The following TNR variants were observed in gnomAD, a reference collection of about 807,000 sequenced individuals.
The protein encoded by TNR is tenascin R, also known as tenascin-R.
TNR carries 45 observed loss-of-function variants against 150.4 expected under a neutral mutation model. The observed-to-expected ratio is 0.30, with a 90% CI of 0.24 to 0.38. TNR has a LOEUF of 0.38. TNR is among the 10% of genes least tolerant of loss of function. The pLI is 1.00. For synonymous variants in TNR, 687 were observed against 678.4 expected, an observed-to-expected ratio of 1.01 and a Z score of -0.20; for missense variants, 1,544 against 1,759.1, an observed-to-expected ratio of 0.88 and a Z score of 2.19.
At chr1:175,536,315 A>T in intron 1 of TNR, among the ~76,000 whole-genome samples, 1 of 152,202 alleles carries the variant, frequency 6.6e-6, no homozygotes, top group East Asian at 1.9e-4. Flanking sequence ...CAAGCCATTA[A>T]AAAGGGTCAG....
intron 1 of TNR, among the ~76,000 whole-genome samples, chr1:175,559,490 T>C (rs1246722910): frequency 6.6e-6 from 1 of 152,148 alleles, no homozygotes; most frequent in African/African-American, 2.4e-5. Flanking sequence ...TAGCCCTCCC[T>C]TTCCACTGAG....
Position 175,679,447 on chromosome 1 carries a change from TAGA to T in TNR, c.-165+63776_-165+63778del, listed in dbSNP as rs1331671395. On this transcript the variant is annotated intron_variant, in intron 1 of 22. Transcript: ENST00000367674. ...AGAGGAGGGAGAGAGACAACATTAATAGAAGACATGATCCCTGTGTTCAAAATA... is the reference window on the plus strand; with the variant it reads ...AGAGGAGGGAGAGAGACAACATTAATAGACATGATCCCTGTGTTCAAAATA... 2.0e-5 allele frequency among the ~76,000 whole-genome samples: 3 copies of T among 152,236 alleles called. No individual in the cohort carries two copies. In the East Asian group the frequency reaches 5.8e-4, roughly 29 times the overall value.
intron 2 of TNR, among the ~76,000 whole-genome samples, chr1:175,477,440 A>G (rs1183277124): frequency 6.6e-6 from 1 of 152,104 alleles, no homozygotes; most frequent in African/African-American, 2.4e-5. Flanking sequence ...TGCTATCTAC[A>G]TGTGGATTTT....
At chr1:175,428,330 C>T (rs987067335) in intron 2 of TNR, among the ~76,000 whole-genome samples, 2 of 152,178 alleles carry the variant, frequency 1.3e-5, no homozygotes, top group African/African-American at 4.8e-5. Context: ...CCAGCATCTC[C>T]TACTCATGGC....
At chr1:175,360,675 T>C (rs975776436) in intron 14 of TNR, among the ~76,000 whole-genome samples, 2 of 152,198 alleles carry the variant, frequency 1.3e-5, no homozygotes, top group African/African-American at 4.8e-5. Flanking sequence ...TTCACTTGCC[T>C]ATGTCCTTTA....
At chr1:175,394,764 G>A (rs977270222) in intron 5 of TNR, among the ~76,000 whole-genome samples, 1 of 152,194 alleles carries the variant, frequency 6.6e-6, no homozygotes, top group Non-Finnish European at 1.5e-5. Flanking sequence ...TGGAAGGCAG[G>A]GCTGACTGCA....
chr1:175,413,333 C>T (rs1202105673), intron 2 of TNR, among the ~76,000 whole-genome samples: 1 of 152,204 alleles, frequency 6.6e-6, no homozygotes, highest in African/African-American at 2.4e-5. Flanking sequence ...GCCTCTTTGG[C>T]ACTTTTTAGT....
chr1:175,502,699 A>G (rs1658787437), intron 2 of TNR, among the ~76,000 whole-genome samples: 1 of 152,226 alleles, frequency 6.6e-6, no homozygotes, highest in South Asian at 2.1e-4. Context: ...AATGAATAAG[A>G]GTTAGCACAA....
intron 2 of TNR, among the ~76,000 whole-genome samples, chr1:175,492,739 G>A (rs1161061162): frequency 6.6e-6 from 1 of 152,152 alleles, no homozygotes; most frequent in African/African-American, 2.4e-5. Context: ...GGGGAATGGG[G>A]TTTAGGGATG....
chr1:175,650,834 T>C (rs1416633330), intron 1 of TNR, among the ~76,000 whole-genome samples: 2 of 14,318 alleles, frequency 1.4e-4, no homozygotes, highest in Non-Finnish European at 1.3e-4. Context: ...TTACTACCCC[T>C]CCCCCACCTC....
intron 1 of TNR, among the ~76,000 whole-genome samples, chr1:175,721,735 T>A (rs1194228720): frequency 4.6e-5 from 7 of 152,018 alleles, no homozygotes; most frequent in Admixed American, 4.6e-4. Flanking sequence ...CCAACCCTGT[T>A]CACACACTCA....
chr1:175,547,564 GGAAAGAAAGAAAGAAAGAAA>G lies in TNR; in HGVS notation c.-164-19215_-164-19196del, dbSNP rs61602065. Among the ~76,000 whole-genome samples, 51 of 131,094 alleles carry G rather than the reference GGAAAGAAAGAAAGAAAGAAA, an allele frequency of 3.9e-4. 1 individual carries two copies. The highest frequency in any genetic ancestry group is 5.0e-4 in the Non-Finnish European group (31 of 62,400). The allele number at this position is 131,094 out of a possible 152,430, so 86.0% of individuals were successfully genotyped here. ...AGACAAAGGAGAAAGAAAGATAGAA[GGAAAGAAAGAAAGAAAGAAA>G]GAAAGAAAGAAAGAAAGAAAGAAAG... On this transcript the variant is annotated intron_variant, in intron 1 of 22. Coordinates refer to ENST00000367674, the MANE Select transcript of TNR (RefSeq NM_003285.3).
intron 1 of TNR, among the ~76,000 whole-genome samples, chr1:175,537,170 G>C (rs973396749): frequency 6.6e-6 from 1 of 152,160 alleles, no homozygotes; most frequent in Non-Finnish European, 1.5e-5. Context: ...GCACTTAATG[G>C]GTCCTAATTG....
chr1:175,575,196 G>C (rs1459531132), intron 1 of TNR, among the ~76,000 whole-genome samples: 1 of 152,206 alleles, frequency 6.6e-6, no homozygotes, highest in African/African-American at 2.4e-5. Context: ...CAAGTTGGTG[G>C]CTGTTCTAAC....
chr1:175,587,221 G>A (rs1384145943), intron 1 of TNR, among the ~76,000 whole-genome samples: 2 of 152,144 alleles, frequency 1.3e-5, no homozygotes, highest in Non-Finnish European at 2.9e-5. Context: ...GCTGGCTTAG[G>A]ACATGTCTAG....
At chr1:175,553,283 T>G (rs539120650) in intron 1 of TNR, among the ~76,000 whole-genome samples, 19 of 152,304 alleles carry the variant, frequency 1.2e-4, no homozygotes, top group Admixed American at 9.8e-4. Context: ...GAAAGGCTCA[T>G]GTGTGAGCCA....
At chr1:175,704,486 T>C (rs903108323) in intron 1 of TNR, among the ~76,000 whole-genome samples, 1 of 152,128 alleles carries the variant, frequency 6.6e-6, no homozygotes, top group East Asian at 1.9e-4. Context: ...ATTAGGTAGA[T>C]ATTCTGTGTG....
chr1:175,345,773 AATAAAG>A (rs1650750487), intron 18 of TNR, among the ~76,000 whole-genome samples: 1 of 152,172 alleles, frequency 6.6e-6, no homozygotes, highest in African/African-American at 2.4e-5. Flanking sequence ...CTTAAATAAA[AATAAAG>A]ATAAATGTCT....
chr1:175,657,384 T>C (rs1665211212), intron 1 of TNR, among the ~76,000 whole-genome samples: 1 of 152,084 alleles, frequency 6.6e-6, no homozygotes, highest in Non-Finnish European at 1.5e-5. Flanking sequence ...GATCTAGAAC[T>C]AGAAATACCA....
Sources: allele counts gnomAD v4.1 joint callset (sites outside exome capture counted in the v4.1 genomes callset), GRCh38; gene constraint gnomAD v4.1.1; transcripts MANE v1.5; gene names NCBI Gene and HGNC (gene_info 2026-07-23, HGNC 2026-07-21).